LRP1B: variants seen among roughly 807,000 people sequenced by gnomAD.
LRP1B encodes the protein low-density lipoprotein receptor-related protein 1B.
A neutral mutation model predicts 556.6 loss-of-function variants in LRP1B; 217 were observed. The observed-to-expected ratio is 0.39, with a 90% CI of 0.35 to 0.44. The LOEUF (loss-of-function observed/expected upper bound fraction) is 0.44. Among genes scored for constraint, LRP1B ranks in the 20% least tolerant of loss-of-function variants. The probability of loss-of-function intolerance (pLI) is 1.00; values close to 1 mark genes in which losing one functional copy is unlikely to be tolerated. For synonymous variants in LRP1B, 2,047 were observed against 1,865.8 expected, an observed-to-expected ratio of 1.10 and a Z score of -2.50; for missense variants, 5,053 against 5,620.8, an observed-to-expected ratio of 0.90 and a Z score of 3.23.
At chr2:141,799,357 G>GGAAGC (rs1411000356) in intron 2 of LRP1B, among the ~76,000 whole-genome samples, 3 of 152,102 alleles carry the variant, frequency 2.0e-5, no homozygotes, top group Non-Finnish European at 1.5e-5. Flanking sequence ...CCACAGAAGC[G>GGAAGC]GAAGCCAGGG....
chr2:141,564,519 T>C (rs2105252937), intron 2 of LRP1B, among the ~76,000 whole-genome samples: 1 of 152,198 alleles, frequency 6.6e-6, no homozygotes, highest in East Asian at 1.9e-4. Flanking sequence ...TTATTCGAAT[T>C]TGAATCAAGG....
intron 1 of LRP1B, among the ~76,000 whole-genome samples, chr2:141,937,397 T>C (rs144652845): frequency 0.01 from 1,531 of 149,246 alleles, 24 homozygotes; most frequent in African/African-American, 0.035. Flanking sequence ...AAAATAATAA[T>C]AATAATAAAA....
chr2:141,153,869 C>T (rs1702000520), intron 7 of LRP1B, among the ~76,000 whole-genome samples: 1 of 151,130 alleles, frequency 6.6e-6, no homozygotes, highest in Admixed American at 6.6e-5. Context: ...GTAAAAAGAA[C>T]CAGAAACTTC....
chr2:141,983,348 C>A (rs1212621968), intron 1 of LRP1B, among the ~76,000 whole-genome samples: 2 of 152,162 alleles, frequency 1.3e-5, no homozygotes, highest in Non-Finnish European at 2.9e-5. Context: ...TATTTTTAAT[C>A]CCCAATACAT....
intron 3 of LRP1B, among the ~76,000 whole-genome samples, chr2:141,299,543 C>T (rs888539170): frequency 6.6e-6 from 1 of 152,158 alleles, no homozygotes; most frequent in Non-Finnish European, 1.5e-5. Flanking sequence ...GCAAAATTTC[C>T]ATTTAGTCAT....
chr2:141,823,500 C>T (rs1170965521), intron 1 of LRP1B, among the ~76,000 whole-genome samples: 1 of 152,042 alleles, frequency 6.6e-6, no homozygotes, highest in Admixed American at 6.6e-5. Flanking sequence ...AGAGAAGCAT[C>T]CCCGAAAAGG....
chr2:141,511,681 T>C (rs577816420), intron 2 of LRP1B, among the ~76,000 whole-genome samples: 3 of 152,318 alleles, frequency 2.0e-5, no homozygotes, highest in African/African-American at 2.4e-5. Flanking sequence ...GCTTGCTCAG[T>C]GCGTAAACTA....
At chr2:141,286,703 T>G (rs766609534) in intron 3 of LRP1B, 31 of 446,964 alleles carry the variant, frequency 6.9e-5, no homozygotes, top group Non-Finnish European at 1.2e-4. Context: ...CATCTGGAGT[T>G]AGTTTTGCTA....
chr2:141,243,822 A>G (rs1461754942), intron 5 of LRP1B, among the ~76,000 whole-genome samples: 1 of 152,172 alleles, frequency 6.6e-6, no homozygotes, highest in Admixed American at 6.6e-5. Flanking sequence ...TCTGCATTAC[A>G]TGAATTAATA....
chr2:141,117,681 T>A (rs953527528), intron 7 of LRP1B, among the ~76,000 whole-genome samples: 1 of 151,934 alleles, frequency 6.6e-6, no homozygotes, highest in Admixed American at 6.6e-5. Context: ...GACAAATAAT[T>A]TCAAGAGGTA....
At chr2:141,702,580 G>GT (rs5834860) in intron 2 of LRP1B, among the ~76,000 whole-genome samples, 54,570 of 151,686 alleles carry the variant, frequency 0.36, 10,355 homozygotes, top group East Asian at 0.59. Flanking sequence ...TGTAGGTCTA[G>GT]TTCCCAGTGG....
chr2:141,087,447 A>G (rs80016012), intron 7 of LRP1B, among the ~76,000 whole-genome samples: 1,783 of 152,262 alleles, frequency 0.012, 33 homozygotes, highest in African/African-American at 0.04. Context: ...TGCAAAATTT[A>G]CAAGCATTTT....
At chr2:141,570,961 C>T (rs1259220552) in intron 2 of LRP1B, among the ~76,000 whole-genome samples, 1 of 151,344 alleles carries the variant, frequency 6.6e-6, no homozygotes, top group African/African-American at 2.4e-5. Flanking sequence ...GACCAGCTGA[C>T]TTAGCCTCTC....
At chr2:140,545,814 A>G (rs928878685) in intron 43 of LRP1B, among the ~76,000 whole-genome samples, 2 of 152,092 alleles carry the variant, frequency 1.3e-5, no homozygotes, top group East Asian at 3.9e-4. Flanking sequence ...TGGTAGTTTA[A>G]CCAGAATAGT....
At chr2:141,488,020 G>GT (rs1306922869) in intron 2 of LRP1B, among the ~76,000 whole-genome samples, 1 of 152,152 alleles carries the variant, frequency 6.6e-6, no homozygotes, top group Non-Finnish European at 1.5e-5. Flanking sequence ...GCAAAGGGGA[G>GT]TTTTTTGTGG....
intron 18 of LRP1B, among the ~76,000 whole-genome samples, chr2:140,969,125 T>C (rs1696327847): frequency 6.6e-6 from 1 of 152,142 alleles, no homozygotes; most frequent in Non-Finnish European, 1.5e-5. Flanking sequence ...ATGTTAACAG[T>C]GGTGTGTTAA....
chr2:140,621,521 G>A (rs1328815003), intron 41 of LRP1B, among the ~76,000 whole-genome samples: 1 of 151,896 alleles, frequency 6.6e-6, no homozygotes, highest in African/African-American at 2.4e-5. Context: ...AAAGGTGTTA[G>A]ATGCCTACCA....
intron 2 of LRP1B, among the ~76,000 whole-genome samples, chr2:141,762,524 G>A (rs552665069): frequency 1.4e-4 from 22 of 151,924 alleles, no homozygotes; most frequent in Non-Finnish European, 2.2e-4. Flanking sequence ...TAAAATATAT[G>A]GAGGTTATAT....
chr2:140,929,633 G>C (rs565841456), intron 20 of LRP1B, among the ~76,000 whole-genome samples: 86 of 152,064 alleles, frequency 5.7e-4, no homozygotes, highest in African/African-American at 2.0e-3. Context: ...AGATCACTTT[G>C]CGACTATTTA....
Sources: allele counts gnomAD v4.1 joint callset (sites outside exome capture counted in the v4.1 genomes callset), GRCh38; gene constraint gnomAD v4.1.1; transcripts MANE v1.5; gene names NCBI Gene and HGNC (gene_info 2026-07-23, HGNC 2026-07-21).